IARS1: variants seen among roughly 807,000 people sequenced by gnomAD.
IARS1 encodes the protein isoleucine--tRNA ligase, cytoplasmic.
IARS1 carries 124 observed loss-of-function variants against 168.2 expected under a neutral mutation model. That is an observed-to-expected ratio of 0.74 (90% CI 0.64 to 0.86). The LOEUF (loss-of-function observed/expected upper bound fraction) is 0.86. IARS1 is among the 40% of genes least tolerant of loss of function. The pLI, the probability that IARS1 is intolerant of heterozygous loss-of-function variation, is 0.00. For missense variants in IARS1, 1,452 were observed against 1,515.8 expected (o/e 0.96, Z 0.70); for synonymous variants, 532 against 529.4 (o/e 1.00, Z -0.07).
intron 31 of IARS1, among the ~76,000 whole-genome samples, chr9:92,226,109 C>T (rs1200545028): frequency 6.6e-6 from 1 of 152,220 alleles, no homozygotes; most frequent in Non-Finnish European, 1.5e-5. Context: ...CTGACTTATC[C>T]ACCACCTTGG....
At chr9:92,245,804 T>C (rs1386325761) in intron 26 of IARS1, among the ~76,000 whole-genome samples, 1 of 151,880 alleles carries the variant, frequency 6.6e-6, no homozygotes, top group Non-Finnish European at 1.5e-5. Context: ...TCTTGCTTTG[T>C]CACCCAGGCT....
chr9:92,243,213 A>C lies in IARS1; in HGVS notation c.3000+3T>G, dbSNP rs1287186020. 1 of 1,610,934 alleles carries C rather than the reference A, an allele frequency of 6.2e-7. No homozygotes were observed. Among genetic ancestry groups the C allele is most frequent in the Non-Finnish European group, 8.5e-7 (1 of 1,177,282 alleles). ...GTAGCTTATTCTTAACTGACAAACT[A>C]ACCTTTTTGCGAAGTTTCTGTATGC... On this transcript the variant is annotated splice_donor_region_variant and intron_variant, in intron 28 of 33. Transcript: ENST00000443024.
intron 10 of IARS1, among the ~76,000 whole-genome samples, chr9:92,273,113 CAG>C (rs1245964817): frequency 1.4e-5 from 2 of 141,408 alleles, no homozygotes; most frequent in African/African-American, 5.4e-5. Context: ...GCCTGGGTGA[CAG>C]AGCGAGACTC....
rs188692513 is a variant in IARS1 at position 92,274,903 on chromosome 9, G to A, written c.895-382C>T. On this transcript the variant is annotated intron_variant, in intron 9 of 33. Coordinates refer to ENST00000443024, the MANE Select transcript of IARS1 (RefSeq NM_002161.6). ...TGGTACATTTTCAATCACTGCATATGTTTTGCTTCTCTTTCTCCTTTCAAC... is the reference window on the plus strand; with the variant it reads ...TGGTACATTTTCAATCACTGCATATATTTTGCTTCTCTTTCTCCTTTCAAC... Among the ~76,000 whole-genome samples the A allele has an allele frequency of 1.0e-3, 152 of 152,040 alleles. 1 individual carries two copies. Among genetic ancestry groups the A allele is most frequent in the Middle Eastern group, 3.4e-3 (1 of 294 alleles).
chr9:92,251,495 T>C (rs1426193937), intron 22 of IARS1, among the ~76,000 whole-genome samples: 1 of 152,208 alleles, frequency 6.6e-6, no homozygotes, highest in Admixed American at 6.5e-5. Flanking sequence ...TACTCACAAT[T>C]ATGGCAATCC....
chr9:92,244,248 C>T (rs771001323), intron 27 of IARS1, among the ~76,000 whole-genome samples: 1 of 152,162 alleles, frequency 6.6e-6, no homozygotes. Flanking sequence ...TTCCCAGCTA[C>T]GATACCTCCG....
At chr9:92,217,840 G>C (rs1003998738) in intron 33 of IARS1, among the ~76,000 whole-genome samples, 11 of 151,938 alleles carry the variant, frequency 7.2e-5, no homozygotes, top group Non-Finnish European at 1.2e-4. Context: ...AATTCTACCA[G>C]AGGTACAAGG....
intron 10 of IARS1, among the ~76,000 whole-genome samples, chr9:92,272,413 G>C (rs1192921772): frequency 2.0e-5 from 3 of 152,220 alleles, no homozygotes; most frequent in Non-Finnish European, 4.4e-5. Flanking sequence ...ACTTTACCCA[G>C]TGCATTAAGC....
intron 22 of IARS1, chr9:92,251,111 A>G (rs1384089426): frequency 2.0e-6 from 1 of 495,530 alleles, no homozygotes; most frequent in Admixed American, 2.3e-5. Context: ...AGCCAAGTCA[A>G]TATGCACAGA....
At chr9:92,282,856 A>ATTTT (rs1370406408) in intron 6 of IARS1, among the ~76,000 whole-genome samples, 3 of 142,134 alleles carry the variant, frequency 2.1e-5, no homozygotes, top group African/African-American at 7.9e-5. Context: ...ATATATATAT[A>ATTTT]TATATTTTTT....
rs557897757 is a variant in IARS1 at position 92,236,335 on chromosome 9, C to T, written c.3283+4521G>A. Among the ~76,000 whole-genome samples the T allele has an allele frequency of 1.1e-3, 165 of 152,230 alleles. 1 individual carries two copies. Among genetic ancestry groups the T allele is most frequent in the African/African-American group, 3.8e-3 (159 of 41,556 alleles). On this transcript the variant is annotated intron_variant, in intron 30 of 33. Transcript: ENST00000443024. ...TCTGGTTTTGGTAGCAGGTTAATAA[C>T]CACATAAAATGAGTGAAATGTTCCT... is the stretch of plus-strand genomic sequence containing the variant.
chr9:92,278,747 T>C (rs1834108425), intron 7 of IARS1, among the ~76,000 whole-genome samples: 1 of 152,366 alleles, frequency 6.6e-6, no homozygotes, highest in South Asian at 2.1e-4. Context: ...GGTAATATTC[T>C]ATCTGATTTT....
intron 17 of IARS1, among the ~76,000 whole-genome samples, chr9:92,260,908 T>C (rs1831433273): frequency 1.3e-5 from 2 of 152,134 alleles, no homozygotes; most frequent in African/African-American, 4.8e-5. Flanking sequence ...AGGTGGATGA[T>C]CAAACAAACC....
intron 28 of IARS1, chr9:92,242,781 G>A (rs753884590): frequency 4.5e-5 from 9 of 198,848 alleles, no homozygotes; most frequent in East Asian, 1.3e-4. Context: ...GCCCCTCTGC[G>A]CTCCAGGATG....
At chr9:92,291,652 G>C (rs1836357091) in intron 1 of IARS1, among the ~76,000 whole-genome samples, 1 of 152,194 alleles carries the variant, frequency 6.6e-6, no homozygotes, top group Non-Finnish European at 1.5e-5. Context: ...ACCAAAATAA[G>C]TGTTTGTGCA....
chr9:92,215,290 A>G (rs1838470977), intron 33 of IARS1, among the ~76,000 whole-genome samples: 1 of 152,068 alleles, frequency 6.6e-6, no homozygotes. Flanking sequence ...ATCATCAAAG[A>G]CCAAAAGTAG....
rs1354307072 is a variant in IARS1, at chr9:92,250,198, T to C, written c.2521A>G (p.Ile841Val). Reference sequence around the variant, plus strand: ...GTAAAATTTCAAACCTTTATGGGAATAGTTTTTCGGTCTCTGATCACTCTT... The same window carrying C: ...GTAAAATTTCAAACCTTTATGGGAACAGTTTTTCGGTCTCTGATCACTCTT... ...LGRVIRDRKTIPIKYPLKEIV... is the reference protein window; with the variant it reads ...LGRVIRDRKTVPIKYPLKEIV... The change falls in exon 24 of 34, where the codon ATT (isoleucine) becomes GTT (valine). Residue 841 changes from isoleucine to valine, a missense_variant. By Grantham distance (29) the Ile-to-Val change is conservative (BLOSUM62 3). Transcript: ENST00000443024. The C allele has an allele frequency of 6.2e-7, 1 of 1,600,470 alleles. No individual in the cohort carries two copies. The highest frequency in any genetic ancestry group is 1.7e-5 in the Admixed American group (1 of 60,000).
intron 1 of IARS1, among the ~76,000 whole-genome samples, chr9:92,293,282 G>C (rs1248873805): frequency 6.6e-6 from 1 of 151,848 alleles, no homozygotes; most frequent in Non-Finnish European, 1.5e-5. Flanking sequence ...GGTGACTGAA[G>C]TAAATTACGG....
chr9:92,282,466 TAATTTTTGTAAAAAATTAA>T (rs1206373011), intron 6 of IARS1, among the ~76,000 whole-genome samples: 1 of 152,146 alleles, frequency 6.6e-6, no homozygotes, highest in East Asian at 1.9e-4. Context: ...CATGCCCAGC[TAATTTTTGTAAAAAATTAA>T]AATTTTTTAG....
Sources: allele counts gnomAD v4.1 joint callset (sites outside exome capture counted in the v4.1 genomes callset), GRCh38; gene constraint gnomAD v4.1.1; transcripts MANE v1.5; gene names NCBI Gene and HGNC (gene_info 2026-07-23, HGNC 2026-07-21).